The following OR6J1 variants were observed in gnomAD, a reference collection of about 807,000 sequenced individuals.
OR6J1 encodes the protein olfactory receptor 6J1.
For missense variants in OR6J1, 304 were observed against 166.8 expected (o/e 1.82, Z -4.53); for synonymous variants, 109 against 70.0 (o/e 1.56, Z -2.78).
Position 22,639,944 on chromosome 14 carries a change from A to T in OR6J1, c.-28+4154T>A, listed in dbSNP as rs1408786242. Among the ~76,000 whole-genome samples, 5 of 88,918 alleles carry T rather than the reference A, an allele frequency of 5.6e-5. 2 individuals are homozygous for T. Among genetic ancestry groups the T allele is most frequent in the African/African-American group, 2.7e-4 (5 of 18,258 alleles). The allele number at this position is 88,918 out of a possible 152,430, so 58.3% of individuals were successfully genotyped here. A position where few individuals can be genotyped will look rare whatever the true frequency, so the allele number is the denominator to read the frequency against. ...TCCACTATTGTCCCATGACCCTGCCAAATCCTCCTCTGTGAGAAACACCCA... is the reference window on the plus strand; with the variant it reads ...TCCACTATTGTCCCATGACCCTGCCTAATCCTCCTCTGTGAGAAACACCCA... On this transcript the variant is annotated intron_variant, in intron 1 of 1. Transcript: ENST00000540461.
chr14:22,641,159 GAAGA>G (rs1239027681), intron 1 of OR6J1, among the ~76,000 whole-genome samples: 1 of 147,782 alleles, frequency 6.8e-6, no homozygotes, highest in African/African-American at 2.5e-5. Flanking sequence ...GTGAGACTCT[GAAGA>G]AAGAAAGAGA....
chr14:22,635,030 G>T (rs146041568), intron 1 of OR6J1, among the ~76,000 whole-genome samples, 192 bp from the exon 2 acceptor site: 1 of 152,328 alleles, frequency 6.6e-6, no homozygotes, highest in East Asian at 1.9e-4. Context: ...TACACTGTCA[G>T]CAAGGGTGTC....
rs1343791689 is a variant in OR6J1, at chr14:22,633,048, TC to T, written c.*719del. 2.0e-5 allele frequency: 3 copies of T among 152,218 alleles called. No individual in the cohort carries two copies. The highest frequency in any genetic ancestry group is 1.3e-4 in the Admixed American group (2 of 15,286). 9.4% of individuals were successfully genotyped at this position (152,218 alleles called of 1,614,324 possible). Reference sequence around the variant, plus strand: ...TTTTTGCTTCAATTTCTCAAAAAAGTCGTATCTGTTTACACAGCTCCTCTGG... The same window carrying T: ...TTTTTGCTTCAATTTCTCAAAAAAGTGTATCTGTTTACACAGCTCCTCTGG... On this transcript the variant is annotated 3_prime_UTR_variant, in exon 2 of 2. Transcript: ENST00000540461.
chr14:22,634,535 A>C lies in OR6J1; in HGVS notation c.277T>G (p.Phe93Val), dbSNP rs995592448. 1.4e-6 allele frequency: 1 copy of C among 704,448 alleles called. No homozygotes were observed. Among genetic ancestry groups the C allele is most frequent in the Non-Finnish European group, 2.6e-6 (1 of 385,206 alleles). 43.6% of individuals were successfully genotyped at this position (704,448 alleles called of 1,614,324 possible). Reference protein sequence around the residue: ...NLGSRDKTISFAGCITQCYFY... With the variant: ...NLGSRDKTISVAGCITQCYFY... The stretch of plus-strand genomic sequence containing the variant: ...TAGCACTGGGTGATACATCCGGCAA[A>C]GGAGATGGTTTTATCCCTAGATCCT... Residue 93 changes from phenylalanine (F) to valine (V), a missense_variant, in exon 2 of 2, where the codon TTT becomes GTT. Phe to Val is a conservative substitution (Grantham distance 50). Transcript: ENST00000540461.
At chr14:22,637,373 C>A (rs1470589372) in intron 1 of OR6J1, among the ~76,000 whole-genome samples, 3 of 49,692 alleles carry the variant, frequency 6.0e-5, no homozygotes, top group African/African-American at 5.1e-4. Context: ...TGAGGAGCCC[C>A]TCTGCCTGGC....
At chr14:22,642,370 G>A (rs796177411) in intron 1 of OR6J1, among the ~76,000 whole-genome samples, 3 of 115,688 alleles carry the variant, frequency 2.6e-5, no homozygotes, top group East Asian at 4.5e-4. Flanking sequence ...ATGGAGTCTC[G>A]CTCTGTCACC....
Position 22,631,744 on chromosome 14 carries a change from C to T in OR6J1, c.*2024G>A, listed in dbSNP as rs903039462. The T allele has an allele frequency of 2.0e-5, 3 of 153,764 alleles. No homozygotes were observed. Among genetic ancestry groups the T allele is most frequent in the Non-Finnish European group, 2.9e-5 (2 of 68,794 alleles). 9.5% of individuals were successfully genotyped at this position (153,764 alleles called of 1,614,324 possible). On this transcript the variant is annotated 3_prime_UTR_variant, in exon 2 of 2. Coordinates refer to ENST00000540461, the MANE Select transcript of OR6J1 (RefSeq NM_001348233.2). ...GTGATAAGTGTCCATGAAATCTTCA[C>T]TATCCACATTCTTCTGCCATGGCTT...
chr14:22,637,302 C>T (rs1172563320), intron 1 of OR6J1, among the ~76,000 whole-genome samples: 7 of 59,650 alleles, frequency 1.2e-4, no homozygotes, highest in African/African-American at 9.6e-4. Context: ...GCCCCCCGCC[C>T]GGCCAGCTGC....
intron 1 of OR6J1, among the ~76,000 whole-genome samples, chr14:22,643,791 AG>A (rs1231404307): frequency 6.6e-6 from 1 of 150,706 alleles, no homozygotes; most frequent in African/African-American, 2.5e-5. Context: ...AGAGAGAGAG[AG>A]AGAGAGACAG....
At position 22,641,429 on chromosome 14, in the gene OR6J1, A is replaced by AAG. The variant is rs1451366502; in HGVS notation, c.-28+2667_-28+2668dup. 1.5e-4 allele frequency among the ~76,000 whole-genome samples: 13 copies of AAG among 84,640 alleles called. 1 individual carries two copies. Among genetic ancestry groups the AAG allele is most frequent in the African/African-American group, 5.6e-4 (9 of 16,198 alleles). The allele number at this position is 84,640 out of a possible 152,430, so 55.5% of individuals were successfully genotyped here. A position where few individuals can be genotyped will look rare whatever the true frequency, so the allele number is the denominator to read the frequency against. On this transcript the variant is annotated intron_variant, in intron 1 of 1. Coordinates refer to ENST00000540461, the MANE Select transcript of OR6J1 (RefSeq NM_001348233.2). ...AGGATGGAAGGAAGGAAGAGAAAGA[A>AAG]AGAAAGAATGAAAGAGAGAGAAAGA...
chr14:22,637,644 G>T (rs2037601915), intron 1 of OR6J1, among the ~76,000 whole-genome samples: 1 of 72,772 alleles, frequency 1.4e-5, no homozygotes, highest in Non-Finnish European at 2.7e-5. Context: ...GGGGGGGTCA[G>T]CCCCCCGCCC....
chr14:22,636,498 T>C (rs2037587540), intron 1 of OR6J1, among the ~76,000 whole-genome samples: 1 of 99,738 alleles, frequency 1.0e-5, no homozygotes, highest in Admixed American at 8.9e-5. Flanking sequence ...CTCGGCTCAC[T>C]GCAGCCTCCC....
rs1417142219 is a variant in OR6J1, at chr14:22,639,234, TG to T, written c.-27-4397del. Among the ~76,000 whole-genome samples, 28 of 103,078 alleles carry T rather than the reference TG, an allele frequency of 2.7e-4. 2 individuals carry two copies. The highest frequency in any genetic ancestry group is 5.0e-4 in the Admixed American group (6 of 11,994). The allele number at this position is 103,078 out of a possible 152,430, so 67.6% of individuals were successfully genotyped here. On this transcript the variant is annotated intron_variant, in intron 1 of 1. Transcript: ENST00000540461. ...GCCACCCCGTCCGGGAGGGAGGTGG[TG>T]GGGGGTCAGCCCCCCGCCAGGCCAG...
At position 22,633,593 on chromosome 14, in the gene OR6J1, A is replaced by G. The variant is rs1383669615; in HGVS notation, c.*175T>C. On this transcript the variant is annotated 3_prime_UTR_variant, in exon 2 of 2. Coordinates refer to ENST00000540461, the MANE Select transcript of OR6J1 (RefSeq NM_001348233.2). ...AGATCATCAAGTCCAGCCCTGTTGC[A>G]CTTCAGCTGAGAGTACTGAGAGTCA... 8.6e-6 allele frequency: 5 copies of G among 582,816 alleles called. No individual in the cohort carries two copies. The highest frequency in any genetic ancestry group is 1.5e-5 in the Non-Finnish European group (5 of 330,036). 36.1% of individuals were successfully genotyped at this position (582,816 alleles called of 1,614,324 possible). A position where few individuals can be genotyped will look rare whatever the true frequency, so the allele number is the denominator to read the frequency against.
chr14:22,636,016 G>A (rs1216604572), intron 1 of OR6J1, among the ~76,000 whole-genome samples: 2 of 151,856 alleles, frequency 1.3e-5, no homozygotes, highest in Non-Finnish European at 2.9e-5. Flanking sequence ...CAAACAGGAA[G>A]AACATATTTA....
chr14:22,636,437 T>C (rs1180479871), intron 1 of OR6J1, among the ~76,000 whole-genome samples: 1 of 31,628 alleles, frequency 3.2e-5, no homozygotes. Flanking sequence ...TCCCTCTCCC[T>C]CCAGGGTCTC....
Position 22,633,869 on chromosome 14 carries a change from T to A in OR6J1, c.943A>T (p.Met315Leu), listed in dbSNP as rs1282518699. Reference sequence around the variant, plus strand: ...AATCTGCTTCTCAGCACTGCCCTCATCCTCTTTTCAAAAACTCCTCGAACC... The same window carrying A: ...AATCTGCTTCTCAGCACTGCCCTCAACCTCTTTTCAAAAACTCCTCGAACC... ...VRVRGVFEKR[M>L]RAVLRSRLSS... is the part of the protein sequence containing the mutation. The change falls in exon 2 of 2, where the codon ATG (methionine) becomes TTG (leucine). Residue 315 changes from methionine to leucine, a missense_variant. By Grantham distance (15) the Met-to-Leu change is conservative. Transcript: ENST00000540461. 2 of 702,830 alleles carry A rather than the reference T, an allele frequency of 2.8e-6. No individual in the cohort carries two copies. Among genetic ancestry groups the A allele is most frequent in the South Asian group, 1.5e-5 (1 of 67,594 alleles). 43.5% of individuals were successfully genotyped at this position (702,830 alleles called of 1,614,324 possible).
Position 22,631,609 on chromosome 14 carries a change from CA to C in OR6J1, c.*2158del, listed in dbSNP as rs2037547074. 6.6e-6 allele frequency: 1 copy of C among 152,198 alleles called. No individual in the cohort carries two copies. The highest frequency in any genetic ancestry group is 1.9e-4 in the East Asian group (1 of 5,206). 9.4% of individuals were successfully genotyped at this position (152,198 alleles called of 1,614,324 possible). A position where few individuals can be genotyped will look rare whatever the true frequency, so the allele number is the denominator to read the frequency against. On this transcript the variant is annotated 3_prime_UTR_variant, in exon 2 of 2. Transcript: ENST00000540461. ...AAACACACATGCTCTACAATTTGTG[CA>C]GTTAACACAATTATCACATGGTCCT...
chr14:22,633,595 T>A lies in OR6J1; in HGVS notation c.*173A>T, dbSNP rs2037561686. 2 of 586,440 alleles carry A rather than the reference T, an allele frequency of 3.4e-6. No homozygotes were observed. The highest frequency in any genetic ancestry group is 6.0e-6 in the Non-Finnish European group (2 of 331,912). 36.3% of individuals were successfully genotyped at this position (586,440 alleles called of 1,614,324 possible). ...ATCATCAAGTCCAGCCCTGTTGCAC[T>A]TCAGCTGAGAGTACTGAGAGTCAGA... On this transcript the variant is annotated 3_prime_UTR_variant, in exon 2 of 2. Transcript: ENST00000540461.
Sources: allele counts gnomAD v4.1 joint callset (sites outside exome capture counted in the v4.1 genomes callset), GRCh38; gene constraint gnomAD v4.1.1; transcripts MANE v1.5; gene names NCBI Gene and HGNC (gene_info 2026-07-23, HGNC 2026-07-21).